SYN2: variants seen among roughly 807,000 people sequenced by gnomAD.
SYN2 encodes the protein synapsin-2.
SYN2 carries 19 observed loss-of-function variants against 50.9 expected under a neutral mutation model. The ratio of observed to expected loss-of-function variants is 0.37; its 90% CI spans 0.26 to 0.55. The LOEUF is 0.55. SYN2 is among the 20% of genes least tolerant of loss of function. The pLI, the probability that SYN2 is intolerant of heterozygous loss-of-function variation, is 0.81. For missense variants in SYN2, 587 were observed against 576.4 expected (o/e 1.02, Z -0.19); for synonymous variants, 255 against 224.9 (o/e 1.13, Z -1.20).
Position 12,057,287 on chromosome 3 carries a change from C to CTGTCTGTCTGTGTGTGTGTG in SYN2, c.377+52362_377+52363insCTGTCTGTGTGTGTGTGTGT, listed in dbSNP as rs71044259. Among the ~76,000 whole-genome samples the CTGTCTGTCTGTGTGTGTGTG allele has an allele frequency of 2.2e-5, 3 of 134,004 alleles. No individual in the cohort carries two copies. The East Asian group carries it at 6.5e-4, about 29-fold the overall frequency. The allele number at this position is 134,004 out of a possible 152,430, so 87.9% of individuals were successfully genotyped here. A position where few individuals can be genotyped will look rare whatever the true frequency, so the allele number is the denominator to read the frequency against. ...AACCTGGGCGACAAGGCAAGACTGT[C>CTGTCTGTCTGTGTGTGTGTG]TGTGTGTGTGTGTGTGTGTGTGTGT... On this transcript the variant is annotated intron_variant, in intron 1 of 12. Coordinates refer to ENST00000621198, the MANE Select transcript of SYN2 (RefSeq NM_133625.6).
Position 12,092,383 on chromosome 3 carries a change from A to G in SYN2, c.378-48268A>G, listed in dbSNP as rs537499489. ...TCATTGCTTTCCACGAGCTCATTCT[A>G]GTAGGGAATACAAATGAGAGCAATT... On this transcript the variant is annotated intron_variant, in intron 1 of 12. Coordinates refer to ENST00000621198, the MANE Select transcript of SYN2 (RefSeq NM_133625.6). Among the ~76,000 whole-genome samples the G allele has an allele frequency of 4.6e-5, 7 of 152,292 alleles. No homozygotes were observed. In the South Asian group the frequency reaches 1.0e-3, roughly 23 times the overall value.
chr3:12,177,443 C>T (rs533214504), intron 10 of SYN2, among the ~76,000 whole-genome samples: 1 of 152,226 alleles, frequency 6.6e-6, no homozygotes, highest in African/African-American at 2.4e-5. Flanking sequence ...TATGAGGTCT[C>T]CTGAGTGCAA....
At chr3:12,070,284 A>T in intron 1 of SYN2, 1 of 488,502 alleles carries the variant, frequency 2.0e-6, no homozygotes, top group Admixed American at 2.3e-5. Context: ...ACAAAGCTGG[A>T]TTTGCTGGGG....
intron 1 of SYN2, among the ~76,000 whole-genome samples, chr3:12,056,289 G>C (rs936676222): frequency 1.3e-5 from 2 of 152,060 alleles, no homozygotes; most frequent in Admixed American, 6.5e-5. Flanking sequence ...CGGGGAAGGA[G>C]GGGGTCAAGA....
chr3:12,165,186 C>T (rs1697752527), intron 7 of SYN2: 1 of 152,110 alleles, frequency 6.6e-6, no homozygotes, highest in Non-Finnish European at 1.5e-5. Flanking sequence ...GAGGTTTCAC[C>T]ATGTTGACCA....
At chr3:12,105,988 ATCT>A (rs1345875618) in intron 1 of SYN2, among the ~76,000 whole-genome samples, 2 of 152,198 alleles carry the variant, frequency 1.3e-5, no homozygotes, top group East Asian at 3.9e-4. Flanking sequence ...CTACACAGGG[ATCT>A]TCTTAGAATC....
At chr3:12,167,355 CT>C in intron 8 of SYN2, 47 bp downstream of exon 8, 1 of 1,559,672 alleles carries the variant, frequency 6.4e-7, no homozygotes, top group African/African-American at 1.4e-5. Flanking sequence ...GAGAGGGAGG[CT>C]TCCTTAGATG....
Position 12,168,516 on chromosome 3 carries a change from G to A in SYN2, c.1158+38G>A, listed in dbSNP as rs765440829. 13 of 1,557,634 alleles carry A rather than the reference G, an allele frequency of 8.3e-6. 1 individual carries two copies. The East Asian group carries it at 2.3e-4, about 27-fold the overall frequency. On this transcript the variant is annotated intron_variant, in intron 9 of 12. Transcript: ENST00000621198. Reference sequence around the variant, plus strand: ...CAAGCAGTAAGAGGTAACTCCTAAGGCTTAAGAACTATGTGGGCAGCTCAG... The same window carrying A: ...CAAGCAGTAAGAGGTAACTCCTAAGACTTAAGAACTATGTGGGCAGCTCAG...
At chr3:12,057,287 C>CTGTCTGTCTGTGTGTGTGTGTG in intron 1 of SYN2, among the ~76,000 whole-genome samples, 1 of 134,004 alleles carries the variant, frequency 7.5e-6, no homozygotes. Context: ...GCAAGACTGT[C>CTGTCTGTCTGTGTGTGTGTGTG]TGTGTGTGTG....
At chr3:12,086,363 T>C (rs995228152) in intron 1 of SYN2, among the ~76,000 whole-genome samples, 1 of 152,160 alleles carries the variant, frequency 6.6e-6, no homozygotes, top group Non-Finnish European at 1.5e-5. Context: ...CAAACTCGTT[T>C]TACAAGACCA....
intron 3 of SYN2, among the ~76,000 whole-genome samples, chr3:12,144,293 A>G (rs549201709): frequency 6.6e-6 from 1 of 152,252 alleles, no homozygotes; most frequent in South Asian, 2.1e-4. Context: ...TGCGAAAAAT[A>G]TTTGTACCCC....
At chr3:12,148,289 A>G (rs1697198874) in intron 4 of SYN2, among the ~76,000 whole-genome samples, 1 of 152,302 alleles carries the variant, frequency 6.6e-6, no homozygotes, top group Non-Finnish European at 1.5e-5. Flanking sequence ...TGGGCCCTGC[A>G]TGAGGAGAAC....
rs375813010 is a variant in SYN2 at position 12,158,857 on chromosome 3, G to A, written c.775-2689G>A. ...CCCAGGCATGACACTGCAGATCCGC[G>A]ACTGAGCCTGTGAGGTCTGGGGGAC... On this transcript the variant is annotated intron_variant, in intron 5 of 12. Transcript: ENST00000621198. 1.1e-4 allele frequency: 177 copies of A among 1,551,022 alleles called. No homozygotes were observed. The African/African-American group carries it at 1.8e-3, about 16-fold the overall frequency.
intron 1 of SYN2, among the ~76,000 whole-genome samples, chr3:12,104,577 T>TA (rs1344478204): frequency 8.5e-5 from 11 of 129,476 alleles, no homozygotes; most frequent in Admixed American, 1.5e-4. Context: ...TTTCTTTTTT[T>TA]TTTTTTTTTT....
At chr3:12,187,658 C>T in intron 12 of SYN2, 46 bp downstream of exon 12, 1 of 1,495,312 alleles carries the variant, frequency 6.7e-7, no homozygotes, top group Non-Finnish European at 9.0e-7. Context: ...TCCTACCCTT[C>T]CTGTGGGCCT....
At chr3:12,084,998 G>A (rs1356210179) in intron 1 of SYN2, among the ~76,000 whole-genome samples, 4 of 150,072 alleles carry the variant, frequency 2.7e-5, no homozygotes, top group African/African-American at 4.9e-5. Flanking sequence ...AATTAACTAG[G>A]AAAAAAAAAA....
intron 1 of SYN2, among the ~76,000 whole-genome samples, chr3:12,105,544 G>T (rs897873247): frequency 6.7e-6 from 1 of 148,964 alleles, no homozygotes; most frequent in African/African-American, 2.5e-5. Context: ...GAAAAGGAAA[G>T]AAAACCTGAC....
At chr3:12,006,827 T>C (rs1693810914) in intron 1 of SYN2, among the ~76,000 whole-genome samples, 1 of 152,150 alleles carries the variant, frequency 6.6e-6, no homozygotes. Context: ...AGTCAACAAA[T>C]GGAGTGGTTA....
chr3:12,058,404 A>C (rs1253914599), intron 1 of SYN2, among the ~76,000 whole-genome samples: 3 of 152,232 alleles, frequency 2.0e-5, no homozygotes, highest in Non-Finnish European at 4.4e-5. Flanking sequence ...AGAATGAGTT[A>C]TTCCAGTCAT....
Sources: gnomAD v4.1 joint callset for allele counts (sites outside exome capture counted in the v4.1 genomes callset) on GRCh38, gnomAD v4.1.1 for gene constraint, MANE v1.5 for transcripts, NCBI Gene and HGNC (gene_info 2026-07-23, HGNC 2026-07-21) for gene names.